The following FGFR1OP2 variants were observed in gnomAD, a reference collection of about 807,000 sequenced individuals.
The protein encoded by FGFR1OP2 is fibroblast growth factor receptor 1 oncogene partner 2.
A neutral mutation model predicts 35.2 loss-of-function variants in FGFR1OP2; 17 were observed. The ratio of observed to expected loss-of-function variants is 0.48; its 90% CI spans 0.33 to 0.73. The LOEUF (loss-of-function observed/expected upper bound fraction) is 0.73. Ranked by LOEUF, FGFR1OP2 falls within the 30% of genes least tolerant of loss-of-function variation. FGFR1OP2 has a pLI of 0.02. For missense variants in FGFR1OP2, 251 were observed against 307.3 expected (o/e 0.82, Z 1.37); for synonymous variants, 105 against 104.6 (o/e 1.00, Z -0.03).
intron 1 of FGFR1OP2, 51 bp from the exon 2 acceptor site, chr12:26,954,094 A>T (rs767304440): frequency 1.5e-6 from 2 of 1,340,596 alleles, no homozygotes; most frequent in Non-Finnish European, 2.0e-6. Context: ...AAGCTAAAAT[A>T]AAGAGATATG....
intron 1 of FGFR1OP2, among the ~76,000 whole-genome samples, chr12:26,952,673 T>C (rs988200196): frequency 2.0e-5 from 3 of 149,542 alleles, no homozygotes; most frequent in Non-Finnish European, 3.0e-5. Context: ...TGCTACTTGT[T>C]GCTTTTTTTT....
At chr12:26,951,925 A>T (rs1161634849) in intron 1 of FGFR1OP2, among the ~76,000 whole-genome samples, 1 of 152,154 alleles carries the variant, frequency 6.6e-6, no homozygotes, top group African/African-American at 2.4e-5. Flanking sequence ...GAGTTCTATT[A>T]AACCAAGGTA....
chr12:26,944,419 G>A (rs778451326), intron 1 of FGFR1OP2, among the ~76,000 whole-genome samples: 1 of 152,078 alleles, frequency 6.6e-6, no homozygotes, highest in Non-Finnish European at 1.5e-5. Flanking sequence ...CCCTTTCTCA[G>A]TTTAAAAAAA....
In FGFR1OP2 at chr12:26,938,646, C is replaced by G. The variant is rs1429066660; in HGVS notation, c.-79C>G. On this transcript the variant is annotated 5_prime_UTR_variant, in exon 1 of 7. Coordinates refer to ENST00000229395, the MANE Select transcript of FGFR1OP2 (RefSeq NM_015633.3). ...AGTCTCTTCCCTTGAGTGCATAGGT[C>G]CCGGTTGGTAGAGGGTTTGAGTCCG... 6.6e-6 allele frequency: 1 copy of G among 152,492 alleles called. No individual in the cohort carries two copies. Among genetic ancestry groups the G allele is most frequent in the East Asian group, 1.9e-4 (1 of 5,182 alleles). The allele number at this position is 152,492 out of a possible 1,614,324, so 9.4% of individuals were successfully genotyped here.
chr12:26,957,632 G>A lies in FGFR1OP2; in HGVS notation c.285G>A (p.Ser95=), dbSNP rs770688810. The change falls in exon 4 of 7, where the codon TCG becomes TCA. Residue 95 remains serine, a synonymous_variant. Coordinates refer to ENST00000229395, the MANE Select transcript of FGFR1OP2 (RefSeq NM_015633.3). ...GTACATCTCTGGAAGAACATCAGTC[G>A]GCCTTGGAACTTATAATGAGCAAGT... The part of the protein sequence containing the change: ...ELRTSLEEHQ[S]ALELIMSKYR... 9 of 1,612,400 alleles carry A rather than the reference G, an allele frequency of 5.6e-6. No individual in the cohort carries two copies. Among genetic ancestry groups the A allele is most frequent in the Admixed American group, 3.3e-5 (2 of 59,744 alleles).
chr12:26,942,132 A>C (rs913421065), intron 1 of FGFR1OP2, among the ~76,000 whole-genome samples: 1 of 152,222 alleles, frequency 6.6e-6, no homozygotes, highest in African/African-American at 2.4e-5. Flanking sequence ...TTCCGGGCTC[A>C]AGCAGTTCTC....
chr12:26,957,931 TTC>T, intron 4 of FGFR1OP2, 188 bp downstream of exon 4: 1 of 468,808 alleles, frequency 2.1e-6, no homozygotes, highest in South Asian at 3.7e-5. Context: ...ATATATCATT[TTC>T]TGTTTGATTT....
At chr12:26,940,361 G>C (rs889177087) in intron 1 of FGFR1OP2, among the ~76,000 whole-genome samples, 1 of 152,162 alleles carries the variant, frequency 6.6e-6, no homozygotes, top group African/African-American at 2.4e-5. Context: ...TCTTCAGAAA[G>C]TGTCTTTATA....
At chr12:26,957,531 C>T (rs1242035277) in intron 3 of FGFR1OP2, 70 bp from the exon 4 acceptor site, 16 of 1,366,380 alleles carry the variant, frequency 1.2e-5, no homozygotes, top group East Asian at 4.8e-5. Context: ...TCATAAGTTG[C>T]TTAGTGGAAG....
chr12:26,963,553 G>A, intron 6 of FGFR1OP2, 98 bp downstream of exon 6: 1 of 754,222 alleles, frequency 1.3e-6, no homozygotes, highest in Non-Finnish European at 2.1e-6. Context: ...CTCTTCTTGG[G>A]TACTGGTAAT....
chr12:26,962,791 G>A (rs1368123077), intron 5 of FGFR1OP2: 1 of 152,168 alleles, frequency 6.6e-6, no homozygotes, highest in Non-Finnish European at 1.5e-5. Context: ...CTGAAAAGCA[G>A]AATTGTGCTC....
intron 5 of FGFR1OP2, chr12:26,960,971 T>C (rs1939097684): frequency 1.1e-5 from 2 of 175,574 alleles, no homozygotes; most frequent in Admixed American, 5.6e-5. Flanking sequence ...TTAAACTGAT[T>C]TCATAAGGTC....
At chr12:26,939,675 C>T (rs894396090) in intron 1 of FGFR1OP2, among the ~76,000 whole-genome samples, 5 of 152,200 alleles carry the variant, frequency 3.3e-5, no homozygotes, top group African/African-American at 1.2e-4. Flanking sequence ...GCATTTGAAA[C>T]TTTTCTTCTG....
At chr12:26,953,554 T>C (rs1262952671) in intron 1 of FGFR1OP2, 1 of 152,206 alleles carries the variant, frequency 6.6e-6, no homozygotes, top group Non-Finnish European at 1.5e-5. Context: ...TTAAGGAAGA[T>C]GCAAGAGTTA....
chr12:26,959,824 C>T (rs190162598), intron 4 of FGFR1OP2, among the ~76,000 whole-genome samples: 37 of 152,238 alleles, frequency 2.4e-4, no homozygotes, highest in African/African-American at 8.7e-4. Flanking sequence ...AACATTAATA[C>T]TGGCACTGGG....
intron 1 of FGFR1OP2, among the ~76,000 whole-genome samples, chr12:26,939,966 A>T (rs1420457294): frequency 6.6e-6 from 1 of 152,260 alleles, no homozygotes; most frequent in Admixed American, 6.5e-5. Flanking sequence ...GAAACCCTGT[A>T]CTTCTAATAC....
chr12:26,946,744 G>A (rs7955335), intron 1 of FGFR1OP2, among the ~76,000 whole-genome samples: 53,842 of 152,040 alleles, frequency 0.35, 9,836 homozygotes, highest in East Asian at 0.65. Flanking sequence ...ATTCAGAGTT[G>A]TGTAACCATC....
intron 1 of FGFR1OP2, among the ~76,000 whole-genome samples, chr12:26,950,213 G>GTTGTTTTTTTTTTTTTTTTTTT (rs1938898866): frequency 3.9e-5 from 2 of 50,942 alleles, no homozygotes; most frequent in African/African-American, 1.6e-4. Context: ...TGTATTCGTT[G>GTTGTTTTTTTTTTTTTTTTTTT]TTTTTTTTTT....
chr12:26,943,543 G>A (rs771799194), intron 1 of FGFR1OP2, among the ~76,000 whole-genome samples: 1 of 151,978 alleles, frequency 6.6e-6, no homozygotes, highest in South Asian at 2.1e-4. Flanking sequence ...TTGACATTTC[G>A]GCTGGGTGCA....
Sources: gnomAD v4.1 joint callset for allele counts (sites outside exome capture counted in the v4.1 genomes callset) on GRCh38, gnomAD v4.1.1 for gene constraint, MANE v1.5 for transcripts, NCBI Gene and HGNC (gene_info 2026-07-23, HGNC 2026-07-21) for gene names.